The following GPM6A variants were observed in gnomAD, a reference collection of about 807,000 sequenced individuals.
GPM6A encodes glycoprotein M6A.
Under a neutral mutation model 32.1 loss-of-function variants are expected in GPM6A, and 7 were observed. The observed-to-expected ratio is 0.22, with a 90% CI of 0.12 to 0.41. GPM6A has a LOEUF of 0.41. Among genes scored for constraint, GPM6A ranks in the 10% least tolerant of loss-of-function variants. The pLI is 1.00. For missense variants in GPM6A, 235 were observed against 347.2 expected (o/e 0.68, Z 2.57); for synonymous variants, 130 against 123.4 (o/e 1.05, Z -0.35).
At chr4:175,974,897 TG>T (rs1166005059) in intron 1 of GPM6A, among the ~76,000 whole-genome samples, 1 of 152,166 alleles carries the variant, frequency 6.6e-6, no homozygotes, top group Non-Finnish European at 1.5e-5. Context: ...TTGCCCAGGC[TG>T]GTCTCAAACT....
intron 1 of GPM6A, among the ~76,000 whole-genome samples, chr4:175,741,971 G>GA (rs1487152135): frequency 6.6e-6 from 1 of 152,004 alleles, no homozygotes; most frequent in East Asian, 1.9e-4. Flanking sequence ...GAGAAAAAAT[G>GA]AGAGTTAAAG....
chr4:175,704,305 C>A (rs1745041418), intron 1 of GPM6A, among the ~76,000 whole-genome samples: 1 of 149,840 alleles, frequency 6.7e-6, no homozygotes, highest in Admixed American at 6.7e-5. Flanking sequence ...CCCCAACACA[C>A]ATCTCTCTCT....
chr4:175,732,311 A>G (rs1292529973), intron 1 of GPM6A, among the ~76,000 whole-genome samples: 1 of 151,666 alleles, frequency 6.6e-6, no homozygotes, highest in Non-Finnish European at 1.5e-5. Context: ...AGTAGCACAC[A>G]TTTTTCTGAC....
intron 2 of GPM6A, among the ~76,000 whole-genome samples, chr4:175,698,649 G>C (rs988526104): frequency 6.6e-6 from 1 of 152,146 alleles, no homozygotes; most frequent in Non-Finnish European, 1.5e-5. Flanking sequence ...TGTTGGTAGG[G>C]AGAGAGTCTC....
At chr4:175,635,663 A>G (rs1398466532) in intron 6 of GPM6A, among the ~76,000 whole-genome samples, 2 of 152,148 alleles carry the variant, frequency 1.3e-5, no homozygotes, top group African/African-American at 2.4e-5. Flanking sequence ...GCCATGTTCA[A>G]AAAGGAAGCT....
intron 1 of GPM6A, among the ~76,000 whole-genome samples, chr4:175,824,594 CAGAAACCACG>C (rs1435992830): frequency 6.6e-5 from 10 of 152,008 alleles, no homozygotes; most frequent in Admixed American, 4.6e-4. Flanking sequence ...TCATTGTGGT[CAGAAACCACG>C]AGCTACACTT....
At chr4:175,977,983 G>C (rs369642096) in intron 1 of GPM6A, among the ~76,000 whole-genome samples, 1 of 152,094 alleles carries the variant, frequency 6.6e-6, no homozygotes, top group Non-Finnish European at 1.5e-5. Context: ...CAGGTTCAAA[G>C]GTTTCTCCAA....
chr4:175,761,411 G>A (rs1456315292), intron 1 of GPM6A, among the ~76,000 whole-genome samples: 3 of 152,024 alleles, frequency 2.0e-5, no homozygotes, highest in Non-Finnish European at 4.4e-5. Flanking sequence ...AATTCTAATC[G>A]CTACACTGCT....
At chr4:175,871,364 G>A (rs977963221) in intron 1 of GPM6A, among the ~76,000 whole-genome samples, 29 of 152,022 alleles carry the variant, frequency 1.9e-4, no homozygotes, top group African/African-American at 6.3e-4. Context: ...AAGCTACTTG[G>A]AAAGCTGAGG....
At chr4:175,945,754 A>G (rs1739578642) in intron 1 of GPM6A, among the ~76,000 whole-genome samples, 1 of 151,960 alleles carries the variant, frequency 6.6e-6, no homozygotes, top group Non-Finnish European at 1.5e-5. Flanking sequence ...CTTACAACTC[A>G]GTAATACGGG....
At chr4:175,755,310 C>A (rs1035134615) in intron 1 of GPM6A, among the ~76,000 whole-genome samples, 1 of 152,042 alleles carries the variant, frequency 6.6e-6, no homozygotes, top group South Asian at 2.1e-4. Flanking sequence ...TTAGCTATAC[C>A]TAAAATAACT....
At chr4:175,857,740 G>T (rs1439975456) in intron 1 of GPM6A, among the ~76,000 whole-genome samples, 1 of 149,670 alleles carries the variant, frequency 6.7e-6, no homozygotes, top group Non-Finnish European at 1.5e-5. Context: ...CTGAAAAAAA[G>T]AAAAAAAAAG....
intron 1 of GPM6A, among the ~76,000 whole-genome samples, chr4:175,834,748 C>G (rs1735713257): frequency 6.6e-6 from 1 of 152,180 alleles, no homozygotes; most frequent in Non-Finnish European, 1.5e-5. Flanking sequence ...ATTACCATCA[C>G]TACTATTAGA....
intron 2 of GPM6A, among the ~76,000 whole-genome samples, chr4:175,685,947 A>G (rs1743956243): frequency 6.6e-6 from 1 of 152,134 alleles, no homozygotes; most frequent in Non-Finnish European, 1.5e-5. Context: ...GTGCACGCAC[A>G]CACATTTGTT....
chr4:175,904,998 A>G (rs1362333004), intron 1 of GPM6A, among the ~76,000 whole-genome samples: 3 of 152,196 alleles, frequency 2.0e-5, no homozygotes, highest in African/African-American at 4.8e-5. Flanking sequence ...GGAGATTAAC[A>G]GGAAAAATCA....
In GPM6A at chr4:175,700,052, G is replaced by A. The variant is rs913353118; in HGVS notation, c.230+1523C>T. 3.3e-5 allele frequency among the ~76,000 whole-genome samples: 5 copies of A among 151,682 alleles called. No homozygotes were observed. In the East Asian group the frequency reaches 9.7e-4, roughly 30 times the overall value. ...TAATTTTTGCATTTTTAGTAGAGAC[G>A]GGATTTCACCATGTTGCTTAGGCTG... is the stretch of plus-strand genomic sequence containing the variant. On this transcript the variant is annotated intron_variant, in intron 2 of 6. Coordinates refer to ENST00000393658, the MANE Select transcript of GPM6A (RefSeq NM_201591.3).
At chr4:175,810,717 G>A (rs1001783593) in intron 1 of GPM6A, among the ~76,000 whole-genome samples, 2 of 152,072 alleles carry the variant, frequency 1.3e-5, no homozygotes, top group East Asian at 1.9e-4. Context: ...CGGCCAATAA[G>A]TATCATTATT....
At chr4:175,766,154 C>G (rs1351936469) in intron 1 of GPM6A, among the ~76,000 whole-genome samples, 1 of 152,112 alleles carries the variant, frequency 6.6e-6, no homozygotes, top group Admixed American at 6.6e-5. Context: ...AAATATTCTT[C>G]GTTTAAGTAG....
At chr4:175,782,596 T>C (rs1169498548) in intron 1 of GPM6A, among the ~76,000 whole-genome samples, 3 of 152,128 alleles carry the variant, frequency 2.0e-5, no homozygotes, top group African/African-American at 7.2e-5. Flanking sequence ...AATGCAGCTA[T>C]ACTCTCCAGT....
Sources: gnomAD v4.1 joint callset for allele counts (sites outside exome capture counted in the v4.1 genomes callset) on GRCh38, gnomAD v4.1.1 for gene constraint, MANE v1.5 for transcripts, NCBI Gene and HGNC (gene_info 2026-07-23, HGNC 2026-07-21) for gene names.